Variants in ACACB observed in about 807,000 individuals in gnomAD.
ACACB encodes the protein acetyl-CoA carboxylase 2.
Under a neutral mutation model 278.8 loss-of-function variants are expected in ACACB, and 209 were observed. That is an observed-to-expected ratio of 0.75 (90% CI 0.67 to 0.84). The LOEUF is 0.84. Ranked by LOEUF, ACACB falls within the 40% of genes least tolerant of loss-of-function variation. The pLI is 0.00. For missense variants in ACACB, 2,850 were observed against 3,269.0 expected, an observed-to-expected ratio of 0.87 and a Z score of 3.13; for synonymous variants, 1,174 against 1,285.6, an observed-to-expected ratio of 0.91 and a Z score of 1.86.
intron 17 of ACACB, 77 bp downstream of exon 17, chr12:109,197,230 G>T: frequency 6.6e-7 from 1 of 1,518,666 alleles, no homozygotes. Flanking sequence ...CACAGCACTG[G>T]CCTGTGTGCA....
chr12:109,207,265 T>C (rs2045550529), intron 20 of ACACB, among the ~76,000 whole-genome samples: 2 of 152,084 alleles, frequency 1.3e-5, no homozygotes, highest in African/African-American at 4.8e-5. Flanking sequence ...CCCTCGGTTG[T>C]GTTTATGAAG....
At chr12:109,132,708 C>G (rs576057118) in intron 1 of ACACB, among the ~76,000 whole-genome samples, 8 of 152,288 alleles carry the variant, frequency 5.3e-5, no homozygotes, top group South Asian at 2.1e-4. Context: ...TCTGTGTATT[C>G]ACTTGGGAAA....
At chr12:109,147,301 GCT>G in intron 2 of ACACB, among the ~76,000 whole-genome samples, 2 of 151,432 alleles carry the variant, frequency 1.3e-5, no homozygotes, top group Middle Eastern at 6.8e-3. Flanking sequence ...TGTGATCTCA[GCT>G]CACTGCAACC....
chr12:109,129,905 A>G (rs1319493507), intron 1 of ACACB, among the ~76,000 whole-genome samples: 4 of 152,186 alleles, frequency 2.6e-5, no homozygotes, highest in African/African-American at 9.7e-5. Context: ...CGCCATCACT[A>G]TCACCTGCCT....
intron 11 of ACACB, 82 bp from the exon 12 acceptor site, chr12:109,185,497 T>C (rs2044621373): frequency 6.8e-7 from 1 of 1,477,560 alleles, no homozygotes; most frequent in Admixed American, 1.7e-5. Flanking sequence ...TGAACCTCCG[T>C]TGCATCTACC....
intron 20 of ACACB, 30 bp from the exon 21 acceptor site, chr12:109,209,135 T>C (rs1189725925): frequency 4.5e-6 from 7 of 1,562,808 alleles, no homozygotes; most frequent in Admixed American, 1.9e-5. Flanking sequence ...CATGCAGGGC[T>C]GGGGGCTGAT....
intron 44 of ACACB, among the ~76,000 whole-genome samples, 175 bp downstream of exon 44, chr12:109,254,509 C>G (rs1364857211): frequency 6.6e-6 from 1 of 151,412 alleles, no homozygotes; most frequent in African/African-American, 2.5e-5. Context: ...AGATTTTACT[C>G]TAGGCTTTTC....
At chr12:109,151,278 C>T (rs966314239) in intron 2 of ACACB, among the ~76,000 whole-genome samples, 2 of 152,008 alleles carry the variant, frequency 1.3e-5, no homozygotes, top group African/African-American at 4.8e-5. Context: ...CCACTGCGCC[C>T]GGCCTCCTAA....
intron 18 of ACACB, 38 bp from the exon 19 acceptor site, chr12:109,201,529 C>T (rs775811393): frequency 2.2e-5 from 36 of 1,608,180 alleles, no homozygotes; most frequent in East Asian, 4.5e-5. Context: ...GTGTCAATCC[C>T]GGTGGGCTCT....
At chr12:109,223,366 G>T (rs2046230194) in intron 26 of ACACB, among the ~76,000 whole-genome samples, 1 of 152,164 alleles carries the variant, frequency 6.6e-6, no homozygotes, top group South Asian at 2.1e-4. Flanking sequence ...AAATAGGGGA[G>T]GAGCCCAGCG....
intron 1 of ACACB, among the ~76,000 whole-genome samples, chr12:109,138,979 A>G (rs1185249423): frequency 6.6e-6 from 1 of 152,236 alleles, no homozygotes; most frequent in East Asian, 1.9e-4. Context: ...CATCACCTCA[A>G]TCTGCTTTAG....
At position 109,246,347 on chromosome 12, in the gene ACACB, A is replaced by G. The variant is rs2046944604; in HGVS notation, c.5470A>G (p.Lys1824Glu). ...SEMARAEGIP[K>E]IYVAANSGAR... Reference sequence around the variant, plus strand: ...GATGGCCCGGGCAGAGGGCATTCCCAAAATTTACGTGGCAGCCAACAGTGG... The same window carrying G: ...GATGGCCCGGGCAGAGGGCATTCCCGAAATTTACGTGGCAGCCAACAGTGG... Residue 1824 changes from lysine (K) to glutamate (E), a missense_variant, in exon 39 of 53, where the codon AAA (lysine) becomes GAA (glutamate). Transcript: ENST00000338432. 6.2e-7 allele frequency: 1 copy of G among 1,612,790 alleles called. No individual in the cohort carries two copies. Among genetic ancestry groups the G allele is most frequent in the Non-Finnish European group, 8.5e-7 (1 of 1,179,808 alleles).
At position 109,199,479 on chromosome 12, in the gene ACACB, C is replaced by G. The variant is rs1295989616; in HGVS notation, c.2705C>G (p.Ala902Gly). The G allele has an allele frequency of 6.4e-7, 1 of 1,571,396 alleles. No homozygotes were observed. The highest frequency in any genetic ancestry group is 1.4e-5 in the African/African-American group (1 of 72,660). The change falls in exon 18 of 53, where the codon GCT becomes GGT. Residue 902 changes from alanine to glycine, a missense_variant. Ala to Gly is a moderately conservative substitution (Grantham distance 60). This residue lies in a region of ACACB where 2,265 missense variants were observed against 2,561.3 expected (regional missense o/e 0.88). Coordinates refer to ENST00000338432, the MANE Select transcript of ACACB (RefSeq NM_001093.4). ...CCTACAGTCCTGAGATCCCCCTCGGCTGGGAAGCTGACACAGTACACAGTG... is the reference window on the plus strand; with the variant it reads ...CCTACAGTCCTGAGATCCCCCTCGGGTGGGAAGCTGACACAGTACACAGTG... ...NDPTVLRSPS[A>G]GKLTQYTVED...
At chr12:109,145,235 G>A (rs762107556) in intron 2 of ACACB, among the ~76,000 whole-genome samples, 10 of 152,144 alleles carry the variant, frequency 6.6e-5, no homozygotes, top group Admixed American at 2.0e-4. Context: ...GTGATCCGTC[G>A]TTTTGGTTTG....
chr12:109,209,845 G>T (rs1379833648), intron 21 of ACACB, among the ~76,000 whole-genome samples: 2 of 137,864 alleles, frequency 1.5e-5, no homozygotes, highest in Admixed American at 7.2e-5. Flanking sequence ...ATACACACAC[G>T]TGTGTATATA....
intron 1 of ACACB, among the ~76,000 whole-genome samples, chr12:109,134,500 CTGT>C (rs2042921257): frequency 6.6e-6 from 1 of 152,138 alleles, no homozygotes; most frequent in African/African-American, 2.4e-5. Flanking sequence ...TGTTCTCTGG[CTGT>C]TGTTAATTTC....
intron 19 of ACACB, among the ~76,000 whole-genome samples, chr12:109,205,381 C>T (rs2136359295): frequency 6.6e-6 from 1 of 152,168 alleles, no homozygotes; most frequent in East Asian, 1.9e-4. Flanking sequence ...GAAGACCGCC[C>T]TTGGCCCTGG....
At position 109,194,610 on chromosome 12, in the gene ACACB, C is replaced by CTGTGTGTGTG. The variant is rs144545047; in HGVS notation, c.2481+911_2481+920dup. On this transcript the variant is annotated intron_variant, in intron 16 of 52. Coordinates refer to ENST00000338432, the MANE Select transcript of ACACB (RefSeq NM_001093.4). ...ATGAGCCACCCCCTGGCCTCTGCCT[C>CTGTGTGTGTG]TGTGTGTGTGTGTGTGTGTGTGTGT... Among the ~76,000 whole-genome samples, 202 of 95,332 alleles carry CTGTGTGTGTG rather than the reference C, an allele frequency of 2.1e-3. 1 individual carries two copies. The highest frequency in any genetic ancestry group is 3.5e-3 in the African/African-American group (106 of 30,546). 62.5% of individuals were successfully genotyped at this position (95,332 alleles called of 152,430 possible).
chr12:109,164,131 C>T (rs1240810089), intron 2 of ACACB, among the ~76,000 whole-genome samples: 1 of 152,180 alleles, frequency 6.6e-6, no homozygotes, highest in Non-Finnish European at 1.5e-5. Context: ...AAACAGGTCA[C>T]CTACAAAGGA....
Sources: gnomAD v4.1 joint callset for allele counts (sites outside exome capture counted in the v4.1 genomes callset) on GRCh38, gnomAD v4.1.1 for gene constraint, gnomAD v4.1.1 regional missense constraint, MANE v1.5 for transcripts, NCBI Gene and HGNC (gene_info 2026-07-23, HGNC 2026-07-21) for gene names.